The following GATA5 variants were observed in gnomAD, a reference collection of about 807,000 sequenced individuals.
The protein encoded by GATA5 is GATA binding protein 5.
GATA5 carries 27 observed loss-of-function variants against 35.0 expected under a neutral mutation model. The ratio of observed to expected loss-of-function variants is 0.77; its 90% CI spans 0.57 to 1.06. The LOEUF is 1.06. Among genes scored for constraint, GATA5 ranks in the 50% least tolerant of loss-of-function variants. The pLI is 0.00. For missense variants in GATA5, 612 were observed against 580.0 expected (o/e 1.06, Z -0.57); for synonymous variants, 306 against 267.8 (o/e 1.14, Z -1.39).
intron 1 of GATA5, 60 bp from the exon 2 acceptor site, chr20:62,475,602 C>G: frequency 8.9e-7 from 1 of 1,122,104 alleles, no homozygotes; most frequent in African/African-American, 1.6e-5. Context: ...CGCCAGCGCC[C>G]GAGCTTATGC....
In GATA5 at chr20:62,475,473, C is replaced by G; in HGVS notation, c.49G>C (p.Ala17Pro). The G allele has an allele frequency of 7.5e-7, 1 of 1,332,288 alleles. No individual in the cohort carries two copies. Among genetic ancestry groups the G allele is most frequent in the African/African-American group, 1.5e-5 (1 of 65,992 alleles). The allele number at this position is 1,332,288 out of a possible 1,614,324, so 82.5% of individuals were successfully genotyped here. ...LAASPRQAAYADSGSFLHAPG... is the reference protein window; with the variant it reads ...LAASPRQAAYPDSGSFLHAPG... ...GCGTGCAGGAAGGAGCCCGAGTCGG[C>G]GTAGGCGGCCTGGCGGGGGCTCGCG... is the stretch of plus-strand genomic sequence containing the variant. Residue 17 changes from alanine to proline, a missense_variant, in exon 2 of 7, where the codon GCC becomes CCC. Transcript: ENST00000252997.
intron 3 of GATA5, among the ~76,000 whole-genome samples, chr20:62,468,314 G>A (rs781815599): frequency 1.1e-4 from 16 of 152,266 alleles, no homozygotes; most frequent in Non-Finnish European, 1.9e-4. Context: ...AGCCTGCCTC[G>A]GTTTCCCCAT....
chr20:62,465,947 C>T (rs1555896055), intron 4 of GATA5, 26 bp from the exon 5 acceptor site: 10 of 1,516,446 alleles, frequency 6.6e-6, no homozygotes, highest in South Asian at 2.4e-5. Context: ...AGGGTGGAGG[C>T]TGGTCCCATC....
chr20:62,467,543 CA>C (rs1162623809), intron 3 of GATA5, among the ~76,000 whole-genome samples: 10 of 152,336 alleles, frequency 6.6e-5, no homozygotes, highest in Non-Finnish European at 1.0e-4. Flanking sequence ...TTTCTACCCC[CA>C]GCCCCTACCC....
At chr20:62,468,223 G>T (rs551517843) in intron 3 of GATA5, among the ~76,000 whole-genome samples, 2 of 151,518 alleles carry the variant, frequency 1.3e-5, no homozygotes, top group Non-Finnish European at 2.9e-5. Context: ...CGGCTTCCCC[G>T]TCTGTTACAG....
At chr20:62,473,366 C>G in intron 3 of GATA5, 37 bp downstream of exon 3, 1 of 1,577,040 alleles carries the variant, frequency 6.3e-7, no homozygotes, top group Non-Finnish European at 8.6e-7. Flanking sequence ...CGGGGGAGCA[C>G]TGCGCCCAGG....
chr20:62,468,314 G>T (rs781815599), intron 3 of GATA5, among the ~76,000 whole-genome samples: 2 of 152,266 alleles, frequency 1.3e-5, no homozygotes, highest in African/African-American at 4.8e-5. Context: ...AGCCTGCCTC[G>T]GTTTCCCCAT....
At chr20:62,472,364 C>T (rs1305964195) in intron 3 of GATA5, among the ~76,000 whole-genome samples, 1 of 152,234 alleles carries the variant, frequency 6.6e-6, no homozygotes, top group African/African-American at 2.4e-5. Context: ...CAGGATTTCC[C>T]CTCAGCCTGT....
At position 62,464,902 on chromosome 20, in the gene GATA5, T is replaced by G. The variant is rs6061550; in HGVS notation, c.1128A>C (p.Pro376=). ...CCCCCCTGAGGCCAGCCTGGGGGCT[T>G]GGGGCCGTGGAGGGGAAGGCAAAGT... ...PEDFAFPSTA[P]SPQAGLRGAL... Residue 376 remains proline (P), a synonymous_variant, in exon 7 of 7, where the codon CCA becomes CCC. Coordinates refer to ENST00000252997, the MANE Select transcript of GATA5 (RefSeq NM_080473.5). The G allele has an allele frequency of 6.2e-7, 1 of 1,610,306 alleles. No homozygotes were observed. Among genetic ancestry groups the G allele is most frequent in the Non-Finnish European group, 8.5e-7 (1 of 1,178,622 alleles).
intron 3 of GATA5, among the ~76,000 whole-genome samples, chr20:62,471,163 C>CCAGGG (rs1236703894): frequency 6.6e-6 from 1 of 152,020 alleles, no homozygotes; most frequent in African/African-American, 2.4e-5. Context: ...GCTGGAAGAC[C>CCAGGG]CAGGGCAGGG....
chr20:62,465,550 C>T (rs369249123), intron 5 of GATA5, 86 bp from the exon 6 acceptor site: 23 of 1,508,164 alleles, frequency 1.5e-5, no homozygotes, highest in African/African-American at 1.1e-4. Context: ...CCTCTGGCCC[C>T]GGCCCAGAGA....
chr20:62,469,670 C>T (rs1569046252), intron 3 of GATA5, among the ~76,000 whole-genome samples: 1 of 152,238 alleles, frequency 6.6e-6, no homozygotes, highest in African/African-American at 2.4e-5. Context: ...TGGAACCCAC[C>T]TTGAATGTTT....
Position 62,463,953 on chromosome 20 carries a change from G to T in GATA5, c.*883C>A, listed in dbSNP as rs1989508714. On this transcript the variant is annotated 3_prime_UTR_variant, in exon 7 of 7. Transcript: ENST00000252997. Reference sequence around the variant, plus strand: ...GGTATCATCCAACCCAGTGTGGAGGGGGCTTGCAAGAGAAAGAGGGGTCAC... The same window carrying T: ...GGTATCATCCAACCCAGTGTGGAGGTGGCTTGCAAGAGAAAGAGGGGTCAC... 1 of 145,738 alleles carries T rather than the reference G, an allele frequency of 6.9e-6. No individual in the cohort carries two copies. Among genetic ancestry groups the T allele is most frequent in the African/African-American group, 2.7e-5 (1 of 37,534 alleles). The allele number at this position is 145,738 out of a possible 1,614,324, so 9.0% of individuals were successfully genotyped here.
At chr20:62,471,692 A>C (rs1989727106) in intron 3 of GATA5, among the ~76,000 whole-genome samples, 1 of 150,884 alleles carries the variant, frequency 6.6e-6, no homozygotes, top group South Asian at 2.1e-4. Flanking sequence ...TAGCCTCCCA[A>C]AGTGCTGGGA....
chr20:62,474,640 C>G lies in GATA5; in HGVS notation c.523+359G>C, dbSNP rs143736306. Among the ~76,000 whole-genome samples the G allele has an allele frequency of 6.8e-3, 1,034 of 152,354 alleles. 10 individuals carry two copies. Among genetic ancestry groups the G allele is most frequent in the African/African-American group, 0.023 (971 of 41,572 alleles). On this transcript the variant is annotated intron_variant, in intron 2 of 6. Transcript: ENST00000252997. Reference sequence around the variant, plus strand: ...ATCAGTAAACGTCCTAGAACCGAGACGAATGTGGCCACTTAAATAAACCGA... The same window carrying G: ...ATCAGTAAACGTCCTAGAACCGAGAGGAATGTGGCCACTTAAATAAACCGA...
At position 62,464,703 on chromosome 20, in the gene GATA5, A is replaced by G; in HGVS notation, c.*133T>C. On this transcript the variant is annotated 3_prime_UTR_variant, in exon 7 of 7. Transcript: ENST00000252997. ...AGAAGGCCTCCCCACCACTGTGTGG[A>G]GACTCCAGCAGACCCAGTCTCTGGG... The G allele has an allele frequency of 1.3e-6, 1 of 773,746 alleles. No homozygotes were observed. Among genetic ancestry groups the G allele is most frequent in the Non-Finnish European group, 2.0e-6 (1 of 499,428 alleles). The allele number at this position is 773,746 out of a possible 1,614,324, so 47.9% of individuals were successfully genotyped here.
chr20:62,465,022 GGTGGGGC>G (rs782250045), intron 6 of GATA5, 31 bp from the exon 7 acceptor site: 33 of 1,506,086 alleles, frequency 2.2e-5, no homozygotes, highest in African/African-American at 4.2e-5. Flanking sequence ...GAGAATGTGG[GGTGGGGC>G]GTGGGGCGTG....
intron 3 of GATA5, among the ~76,000 whole-genome samples, chr20:62,471,419 A>G (rs1340821961): frequency 9.8e-6 from 1 of 101,528 alleles, no homozygotes; most frequent in African/African-American, 3.6e-5. Flanking sequence ...AAGAGAAGTT[A>G]ATTTCAATTA....
chr20:62,466,332 G>T, intron 4 of GATA5, 94 bp downstream of exon 4: 1 of 1,377,414 alleles, frequency 7.3e-7, no homozygotes, highest in Admixed American at 2.3e-5. Context: ...CATCCTGCCC[G>T]CTCCTCCCCA....
Sources: gnomAD v4.1 joint callset for allele counts (sites outside exome capture counted in the v4.1 genomes callset) on GRCh38, gnomAD v4.1.1 for gene constraint, MANE v1.5 for transcripts, NCBI Gene and HGNC (gene_info 2026-07-23, HGNC 2026-07-21) for gene names.